BRINP1: variants seen among roughly 807,000 people sequenced by gnomAD.
BRINP1 encodes the protein BMP/retinoic acid-inducible neural-specific protein 1.
Under a neutral mutation model 72.9 loss-of-function variants are expected in BRINP1, and 17 were observed. The ratio of observed to expected loss-of-function variants is 0.23; its 90% CI spans 0.16 to 0.35. BRINP1 has a LOEUF of 0.35. Ranked by LOEUF, BRINP1 falls within the 10% of genes least tolerant of loss-of-function variation. The pLI, the probability that BRINP1 is intolerant of heterozygous loss-of-function variation, is 1.00. For synonymous variants in BRINP1, 418 were observed against 378.5 expected, an observed-to-expected ratio of 1.10 and a Z score of -1.21; for missense variants, 850 against 1,001.6, an observed-to-expected ratio of 0.85 and a Z score of 2.04.
chr9:119,279,539 G>A (rs1588188981), intron 2 of BRINP1, among the ~76,000 whole-genome samples: 1 of 152,270 alleles, frequency 6.6e-6, no homozygotes, highest in East Asian at 1.9e-4. Context: ...GAAAATAATA[G>A]GTGCTTCAAA....
intron 7 of BRINP1, among the ~76,000 whole-genome samples, chr9:119,178,637 A>G (rs924386081): frequency 6.6e-6 from 1 of 152,186 alleles, no homozygotes; most frequent in African/African-American, 2.4e-5. Flanking sequence ...ACTGTATACC[A>G]GGCATAGTGC....
chr9:119,279,487 T>A (rs888343834), intron 2 of BRINP1, among the ~76,000 whole-genome samples: 6 of 152,236 alleles, frequency 3.9e-5, no homozygotes, highest in African/African-American at 1.4e-4. Flanking sequence ...AAGGGTTGTA[T>A]CTTATTTACC....
intron 2 of BRINP1, among the ~76,000 whole-genome samples, chr9:119,252,120 C>T (rs546159975): frequency 9.9e-5 from 15 of 152,274 alleles, no homozygotes; most frequent in Middle Eastern, 3.4e-3. Context: ...CGCTGCCATG[C>T]TGTGAGATGC....
At chr9:119,275,302 CTT>C (rs1405414730) in intron 2 of BRINP1, among the ~76,000 whole-genome samples, 1 of 152,190 alleles carries the variant, frequency 6.6e-6, no homozygotes, top group Admixed American at 6.5e-5. Context: ...TCTCTGAAGT[CTT>C]TGCTATTTTG....
chr9:119,314,618 CA>C (rs1831107291), intron 1 of BRINP1, among the ~76,000 whole-genome samples: 1 of 152,176 alleles, frequency 6.6e-6, no homozygotes, highest in South Asian at 2.1e-4. Context: ...CCCTCCTTGT[CA>C]GTCTACTTAC....
chr9:119,205,176 G>A (rs1332452), intron 7 of BRINP1, among the ~76,000 whole-genome samples: 125,637 of 152,108 alleles, frequency 0.83, 52,071 homozygotes, highest in Middle Eastern at 0.91. Flanking sequence ...GTCAGGAAGC[G>A]GCCCACAGCC....
chr9:119,356,349 C>T (rs1831565478), intron 1 of BRINP1, among the ~76,000 whole-genome samples: 1 of 152,210 alleles, frequency 6.6e-6, no homozygotes, highest in South Asian at 2.1e-4. Flanking sequence ...TTCTCTATCA[C>T]ACTTTGCTCT....
At chr9:119,352,706 C>T (rs1241653550) in intron 1 of BRINP1, among the ~76,000 whole-genome samples, 1 of 152,196 alleles carries the variant, frequency 6.6e-6, no homozygotes, top group Non-Finnish European at 1.5e-5. Context: ...CATGCCTGGT[C>T]AGATTTAATT....
intron 7 of BRINP1, among the ~76,000 whole-genome samples, chr9:119,174,189 A>G (rs1268420157): frequency 6.7e-6 from 1 of 150,002 alleles, no homozygotes; most frequent in Non-Finnish European, 1.5e-5. Flanking sequence ...AACCTACAGA[A>G]TGGGAGAAAA....
At chr9:119,236,498 C>T (rs1031621985) in intron 5 of BRINP1, among the ~76,000 whole-genome samples, 8 of 152,174 alleles carry the variant, frequency 5.3e-5, no homozygotes, top group Non-Finnish European at 1.2e-4. Flanking sequence ...GTAAATCAAC[C>T]TCTAAATGTC....
intron 5 of BRINP1, among the ~76,000 whole-genome samples, chr9:119,230,369 G>C (rs1033238424): frequency 6.6e-6 from 1 of 152,046 alleles, no homozygotes; most frequent in South Asian, 2.1e-4. Flanking sequence ...TTGGCTTTAA[G>C]AAGATCACGC....
At chr9:119,318,506 A>G (rs915244443) in intron 1 of BRINP1, among the ~76,000 whole-genome samples, 5 of 152,080 alleles carry the variant, frequency 3.3e-5, no homozygotes, top group Admixed American at 1.3e-4. Flanking sequence ...GAGCTGGCAA[A>G]AGCTGTGGCC....
At chr9:119,221,943 G>T (rs551559392) in intron 5 of BRINP1, among the ~76,000 whole-genome samples, 2 of 152,072 alleles carry the variant, frequency 1.3e-5, no homozygotes, top group Non-Finnish European at 2.9e-5. Flanking sequence ...GTGGTAGGGT[G>T]GGTTATCATT....
At chr9:119,348,243 C>A (rs948193311) in intron 1 of BRINP1, among the ~76,000 whole-genome samples, 3 of 152,184 alleles carry the variant, frequency 2.0e-5, no homozygotes, top group African/African-American at 7.2e-5. Flanking sequence ...TTACTTCTTT[C>A]ACTTAGCAAT....
chr9:119,330,393 A>G (rs532378587), intron 1 of BRINP1, among the ~76,000 whole-genome samples: 26 of 152,090 alleles, frequency 1.7e-4, no homozygotes, highest in Non-Finnish European at 3.2e-4. Context: ...GGTTTTGCAA[A>G]TTCTCTGAAA....
chr9:119,271,614 C>T (rs534616845), intron 2 of BRINP1, among the ~76,000 whole-genome samples: 49 of 151,746 alleles, frequency 3.2e-4, no homozygotes, highest in African/African-American at 1.0e-3. Context: ...GGGGAAGTAA[C>T]ATGATGTCTA....
chr9:119,305,642 C>T (rs1007338375), intron 2 of BRINP1, among the ~76,000 whole-genome samples: 1 of 152,168 alleles, frequency 6.6e-6, no homozygotes, highest in African/African-American at 2.4e-5. Context: ...CTCCAGCATG[C>T]CTTTCCAAAC....
At chr9:119,253,109 C>T (rs878936922) in intron 2 of BRINP1, among the ~76,000 whole-genome samples, 52 of 152,224 alleles carry the variant, frequency 3.4e-4, no homozygotes, top group African/African-American at 1.1e-3. Context: ...CTCAGCACCA[C>T]GGACAGAGTT....
intron 2 of BRINP1, among the ~76,000 whole-genome samples, chr9:119,280,370 C>G (rs2118961414): frequency 6.6e-6 from 1 of 151,340 alleles, no homozygotes; most frequent in South Asian, 2.1e-4. Flanking sequence ...TCCCGAGTAG[C>G]TGGGACTACA....
Sources: gnomAD v4.1 joint callset for allele counts (sites outside exome capture counted in the v4.1 genomes callset) on GRCh38, gnomAD v4.1.1 for gene constraint, MANE v1.5 for transcripts, NCBI Gene and HGNC (gene_info 2026-07-23, HGNC 2026-07-21) for gene names.